DNAAF4: variants seen among roughly 807,000 people sequenced by gnomAD.
DNAAF4 encodes the protein dynein assembly factor 4, axonemal.
In DNAAF4, 43 loss-of-function variants were observed where a neutral mutation model predicts 51.8. The observed-to-expected ratio is 0.83, with a 90% CI of 0.65 to 1.07. The LOEUF (loss-of-function observed/expected upper bound fraction) is 1.07, where lower values mean the gene tolerates loss of function less well. Among genes scored for constraint, DNAAF4 ranks in the 50% least tolerant of loss-of-function variants. The probability of loss-of-function intolerance (pLI) is 0.00; values close to 1 mark genes in which losing one functional copy is unlikely to be tolerated. For missense variants in DNAAF4, 581 were observed against 493.0 expected (o/e 1.18, Z -1.69); for synonymous variants, 194 against 165.6 (o/e 1.17, Z -1.32).
Position 55,439,507 on chromosome 15 carries a change from T to A in DNAAF4, c.858A>T (p.Glu286Asp), listed in dbSNP as rs74375435. 66 of 1,614,152 alleles carry A rather than the reference T, an allele frequency of 4.1e-5. No individual in the cohort carries two copies. The African/African-American group carries it at 8.1e-4, about 20-fold the overall frequency. Residue 286 changes from glutamate to aspartate, a missense_variant, in exon 7 of 10, where the codon GAA becomes GAT. Transcript: ENST00000321149. ...CCTTCAACCATTCTGGGTTCTTTTCTTCTTCTTTTAAATCGCAAAGTTCAG... is the reference window on the plus strand; with the variant it reads ...CCTTCAACCATTCTGGGTTCTTTTCATCTTCTTTTAAATCGCAAAGTTCAG... The part of the protein sequence containing the change: ...DIAELCDLKE[E>D]EKNPEWLKDK...
At chr15:55,494,314 C>T (rs1567034446) in intron 3 of DNAAF4, among the ~76,000 whole-genome samples, 1 of 152,160 alleles carries the variant, frequency 6.6e-6, no homozygotes, top group Non-Finnish European at 1.5e-5. Context: ...CAGGCGTGAG[C>T]CAGCGCGCCC....
At chr15:55,502,821 G>T (rs571072366) in intron 1 of DNAAF4, among the ~76,000 whole-genome samples, 348 of 152,110 alleles carry the variant, frequency 2.3e-3, no homozygotes, top group Admixed American at 3.5e-3. Context: ...AAAGAAAGCA[G>T]GAAAGATCTA....
At position 55,480,936 on chromosome 15, in the gene DNAAF4, G is replaced by A. The variant is rs371746429; in HGVS notation, c.405+10187C>T. 1.2e-4 allele frequency among the ~76,000 whole-genome samples: 19 copies of A among 152,146 alleles called. 1 individual carries two copies. Among genetic ancestry groups the A allele is most frequent in the Admixed American group, 7.2e-4 (11 of 15,268 alleles). On this transcript the variant is annotated intron_variant, in intron 4 of 9. Coordinates refer to ENST00000321149, the MANE Select transcript of DNAAF4 (RefSeq NM_130810.4). ...CCAGGTGGAGGTAAATGAATCATGG[G>A]GGCAGTTTCCCCCATGATGTTCTCA...
intron 4 of DNAAF4, among the ~76,000 whole-genome samples, chr15:55,467,556 C>CACAT (rs2058188195): frequency 6.6e-6 from 1 of 151,830 alleles, no homozygotes; most frequent in Non-Finnish European, 1.5e-5. Context: ...CACACACACA[C>CACAT]ACACACACAC....
chr15:55,418,319 ATG>A (rs573271033), intron 7 of DNAAF4: 4 of 1,545,048 alleles, frequency 2.6e-6, no homozygotes, highest in Non-Finnish European at 3.5e-6. Context: ...GTTTTCATGT[ATG>A]TTGGATCCAA....
At position 55,430,557 on chromosome 15, in the gene DNAAF4, AACTAAAGT is replaced by A. The variant is rs1487815732; in HGVS notation, c.*105_*112del. The A allele has an allele frequency of 8.4e-5, 116 of 1,378,724 alleles. No individual in the cohort carries two copies. The highest frequency in any genetic ancestry group is 1.0e-4 in the Non-Finnish European group (111 of 1,065,004). The allele number at this position is 1,378,724 out of a possible 1,614,324, so 85.4% of individuals were successfully genotyped here. ...ATTTATAATATTTTGCCCTCAACAG[AACTAAAGT>A]ACTAAACAGAAAGCGATTCTGTACA... On this transcript the variant is annotated 3_prime_UTR_variant, in exon 10 of 10. Transcript: ENST00000321149.
rs1321792380 is a variant in DNAAF4 at position 55,491,171 on chromosome 15, A to T, written c.357T>A (p.Ala119=). The T allele has an allele frequency of 6.2e-7, 1 of 1,614,058 alleles. No homozygotes were observed. The change falls in exon 4 of 10, where the codon GCT becomes GCA. Residue 119 remains alanine, a synonymous_variant. Coordinates refer to ENST00000321149, the MANE Select transcript of DNAAF4 (RefSeq NM_130810.4). Reference sequence around the variant, plus strand: ...ATTTTTGATCTTCCCGCTTTGCTGCAGCTTTTGCTTCTGTAGCTTCTTTTG... The same window carrying T: ...ATTTTTGATCTTCCCGCTTTGCTGCTGCTTTTGCTTCTGTAGCTTCTTTTG... ...ERAKEATEAK[A]AAKREDQKYA...
chr15:55,433,845 T>TTA (rs1236548721), intron 8 of DNAAF4, among the ~76,000 whole-genome samples: 1 of 70,288 alleles, frequency 1.4e-5, no homozygotes. Context: ...ATATTATATA[T>TTA]TATATATATT....
intron 5 of DNAAF4, among the ~76,000 whole-genome samples, chr15:55,462,914 T>C (rs2058113827): frequency 6.6e-6 from 1 of 152,194 alleles, no homozygotes; most frequent in African/African-American, 2.4e-5. Context: ...CTCATGCCTG[T>C]AATCCCAGCA....
intron 4 of DNAAF4, among the ~76,000 whole-genome samples, chr15:55,473,695 G>A (rs931574797): frequency 5.2e-4 from 79 of 151,794 alleles, no homozygotes; most frequent in African/African-American, 1.7e-3. Flanking sequence ...ACTTCATGAC[G>A]AAATATTAGA....
In DNAAF4 at chr15:55,457,601, G is replaced by A. The variant is rs192879985; in HGVS notation, c.638-7234C>T. 3.0e-3 allele frequency among the ~76,000 whole-genome samples: 457 copies of A among 152,218 alleles called. 2 individuals carry two copies. The highest frequency in any genetic ancestry group is 0.01 in the Admixed American group (156 of 15,282). ...TGCCACCTCCTGGCTGGAGCCCAACGAACTCAAGCCACCATAGCAACTCAT... is the reference window on the plus strand; with the variant it reads ...TGCCACCTCCTGGCTGGAGCCCAACAAACTCAAGCCACCATAGCAACTCAT... On this transcript the variant is annotated intron_variant, in intron 5 of 9. Transcript: ENST00000321149.
intron 5 of DNAAF4, among the ~76,000 whole-genome samples, chr15:55,461,023 C>T (rs994218524): frequency 1.3e-5 from 2 of 151,994 alleles, no homozygotes; most frequent in African/African-American, 4.8e-5. Flanking sequence ...CCCTGGCCTC[C>T]CAAAGTGCTA....
intron 3 of DNAAF4, among the ~76,000 whole-genome samples, chr15:55,495,588 A>T (rs2058630059): frequency 6.6e-6 from 1 of 152,052 alleles, no homozygotes; most frequent in Non-Finnish European, 1.5e-5. Flanking sequence ...AAAAACAATT[A>T]CCTAGGTGTT....
intron 9 of DNAAF4, 133 bp from the exon 10 acceptor site, chr15:55,430,912 G>T (rs1045719632): frequency 3.0e-6 from 2 of 660,522 alleles, no homozygotes; most frequent in African/African-American, 3.8e-5. Context: ...TTTTAAATTA[G>T]ATTCCCATCT....
At chr15:55,445,347 C>T (rs1317821854) in intron 6 of DNAAF4, among the ~76,000 whole-genome samples, 1 of 152,032 alleles carries the variant, frequency 6.6e-6, no homozygotes, top group Non-Finnish European at 1.5e-5. Flanking sequence ...TCAGAGTGCA[C>T]GGGGTTGGGG....
rs1023316307 is a variant in DNAAF4, at chr15:55,447,649, G to A, written c.783+2573C>T. Among the ~76,000 whole-genome samples the A allele has an allele frequency of 1.3e-4, 20 of 149,772 alleles. No individual in the cohort carries two copies. In the South Asian group the frequency reaches 1.5e-3, roughly 11 times the overall value. ...AAAAACCAGTCAGGCATGGCGGTGC[G>A]TGCCTGCAATCCCAAGCAGTCGGCA... On this transcript the variant is annotated intron_variant, in intron 6 of 9. Coordinates refer to ENST00000321149, the MANE Select transcript of DNAAF4 (RefSeq NM_130810.4).
rs796568739 is a variant in DNAAF4, at chr15:55,471,336, G to C, written c.406-4175C>G. Among the ~76,000 whole-genome samples the C allele has an allele frequency of 3.9e-4, 59 of 152,152 alleles. 1 individual carries two copies. Among genetic ancestry groups the C allele is most frequent in the African/African-American group, 1.4e-3 (58 of 41,518 alleles). On this transcript the variant is annotated intron_variant, in intron 4 of 9. Transcript: ENST00000321149. ...TCCTATTACATAGGAAATTCCAAGG[G>C]ATTAGGAGCTCTGTGTCAGGAACCT...
intron 5 of DNAAF4, among the ~76,000 whole-genome samples, chr15:55,461,068 T>TGG (rs1196640767): frequency 4.8e-5 from 7 of 147,222 alleles, no homozygotes; most frequent in African/African-American, 1.8e-4. Context: ...CCCAGCCATC[T>TGG]CAATAATTTT....
At chr15:55,461,258 T>C (rs1458520570) in intron 5 of DNAAF4, among the ~76,000 whole-genome samples, 2 of 151,876 alleles carry the variant, frequency 1.3e-5, no homozygotes, top group African/African-American at 4.8e-5. Context: ...TTAGTAGAGA[T>C]GGGGTTTCAC....
Sources: gnomAD v4.1 joint callset for allele counts (sites outside exome capture counted in the v4.1 genomes callset) on GRCh38, gnomAD v4.1.1 for gene constraint, MANE v1.5 for transcripts, NCBI Gene and HGNC (gene_info 2026-07-23, HGNC 2026-07-21) for gene names.